PHACTR3: variants seen among roughly 807,000 people sequenced by gnomAD.
PHACTR3 encodes protein phosphatase 1, regulatory subunit 123.
A neutral mutation model predicts 66.8 loss-of-function variants in PHACTR3; 16 were observed. The observed-to-expected ratio is 0.24, with a 90% CI of 0.16 to 0.36. The LOEUF (loss-of-function observed/expected upper bound fraction) is 0.36, where lower values mean the gene tolerates loss of function less well. PHACTR3 is among the 10% of genes least tolerant of loss of function. The pLI is 1.00. For missense variants in PHACTR3, 647 were observed against 719.9 expected, an observed-to-expected ratio of 0.90 and a Z score of 1.16; for synonymous variants, 323 against 292.1, an observed-to-expected ratio of 1.11 and a Z score of -1.08.
At chr20:59,656,204 ATCT>A (rs2035614194) in intron 1 of PHACTR3, among the ~76,000 whole-genome samples, 2 of 151,692 alleles carry the variant, frequency 1.3e-5, no homozygotes, top group Admixed American at 1.3e-4. Context: ...TTTCTCCTTA[ATCT>A]TCTGCCCACT....
intron 4 of PHACTR3, among the ~76,000 whole-genome samples, chr20:59,758,014 G>A (rs1212942430): frequency 6.6e-6 from 1 of 152,176 alleles, no homozygotes; most frequent in Non-Finnish European, 1.5e-5. Flanking sequence ...AGAGAGAGAA[G>A]AGACCTGGCA....
chr20:59,815,703 G>A (rs576437908), intron 8 of PHACTR3, among the ~76,000 whole-genome samples: 29 of 152,162 alleles, frequency 1.9e-4, no homozygotes, highest in African/African-American at 5.3e-4. Context: ...GATTGCAGGC[G>A]TAAGCCACCA....
chr20:59,730,020 A>C (rs1465935867), intron 1 of PHACTR3, among the ~76,000 whole-genome samples: 6 of 152,140 alleles, frequency 3.9e-5, no homozygotes, highest in Admixed American at 3.9e-4. Context: ...GCACTTGAGC[A>C]CAGATGGACC....
chr20:59,840,514 A>C, intron 10 of PHACTR3, 84 bp downstream of exon 10: 1 of 1,576,170 alleles, frequency 6.3e-7, no homozygotes, highest in Non-Finnish European at 8.6e-7. Context: ...GGGTAATGCT[A>C]GGTATCACTC....
chr20:59,810,528 G>A (rs1217885009), intron 8 of PHACTR3, among the ~76,000 whole-genome samples: 1 of 152,248 alleles, frequency 6.6e-6, no homozygotes, highest in Non-Finnish European at 1.5e-5. Flanking sequence ...TCCTTTCAGA[G>A]ATTCCTCCAC....
chr20:59,778,184 G>A (rs551712757), intron 7 of PHACTR3, among the ~76,000 whole-genome samples: 1 of 152,264 alleles, frequency 6.6e-6, no homozygotes, highest in Non-Finnish European at 1.5e-5. Flanking sequence ...TGCCACCATT[G>A]CCCCATTTCT....
chr20:59,657,460 T>C (rs2035659563), intron 1 of PHACTR3, among the ~76,000 whole-genome samples: 1 of 152,126 alleles, frequency 6.6e-6, no homozygotes, highest in African/African-American at 2.4e-5. Context: ...CTCAAAACTT[T>C]CCTAGCTTTT....
rs371929032 is a variant in PHACTR3, at chr20:59,644,149, G to A, written c.118+39017G>A. 3.6e-4 allele frequency among the ~76,000 whole-genome samples: 55 copies of A among 152,294 alleles called. No homozygotes were observed. In the South Asian group the frequency reaches 0.01, roughly 29 times the overall value. On this transcript the variant is annotated intron_variant, in intron 1 of 12. Transcript: ENST00000371015. ...GGGGAGGAAAAGCCTCCATTATGAA[G>A]TCAAAGGCCATTGCGTGCCTGCAGT...
chr20:59,587,433 T>G (rs1274439530), intron 1 of PHACTR3, among the ~76,000 whole-genome samples: 1 of 152,128 alleles, frequency 6.6e-6, no homozygotes, highest in Non-Finnish European at 1.5e-5. Context: ...GTGGATGGAG[T>G]GTAATTCTGA....
At chr20:59,813,879 A>G (rs59937232) in intron 8 of PHACTR3, among the ~76,000 whole-genome samples, 16,307 of 152,204 alleles carry the variant, frequency 0.11, 1,094 homozygotes, top group East Asian at 0.27. Context: ...CTTCCTGACC[A>G]TCTCCCAGTG....
chr20:59,635,138 T>TC (rs765185191), intron 1 of PHACTR3, among the ~76,000 whole-genome samples: 17 of 72,336 alleles, frequency 2.4e-4, no homozygotes, highest in East Asian at 1.2e-3. Flanking sequence ...TTTCTTTCTT[T>TC]CTTTCTTTCT....
At position 59,722,058 on chromosome 20, in the gene PHACTR3, A is replaced by G. The variant is rs564644614; in HGVS notation, c.119-21049A>G. Among the ~76,000 whole-genome samples, 14 of 152,140 alleles carry G rather than the reference A, an allele frequency of 9.2e-5. No homozygotes were observed. The South Asian group carries it at 1.0e-3, about 11-fold the overall frequency. On this transcript the variant is annotated intron_variant, in intron 1 of 12. Coordinates refer to ENST00000371015, the MANE Select transcript of PHACTR3 (RefSeq NM_080672.5). ...ATCCTGGCTAACACAGTGAAACCCC[A>G]TATCTACTAAAAAATACAGAAAAAT...
intron 1 of PHACTR3, among the ~76,000 whole-genome samples, chr20:59,701,947 T>C (rs2037521924): frequency 6.6e-6 from 1 of 152,252 alleles, no homozygotes. Flanking sequence ...GTCATATAGA[T>C]TGAATCATGC....
At chr20:59,637,022 T>A (rs942902944) in intron 1 of PHACTR3, among the ~76,000 whole-genome samples, 6 of 152,226 alleles carry the variant, frequency 3.9e-5, no homozygotes, top group African/African-American at 1.4e-4. Context: ...CAGGAGAATT[T>A]TAGAATGATC....
At chr20:59,661,703 T>C (rs1469458643) in intron 1 of PHACTR3, among the ~76,000 whole-genome samples, 1 of 151,536 alleles carries the variant, frequency 6.6e-6, no homozygotes, top group Non-Finnish European at 1.5e-5. Flanking sequence ...ATACATGTGA[T>C]TTTCTGCATG....
At chr20:59,822,463 CATGTGGAAT>C (rs2042076309) in intron 8 of PHACTR3, among the ~76,000 whole-genome samples, 1 of 150,708 alleles carries the variant, frequency 6.6e-6, no homozygotes, top group Admixed American at 6.6e-5. Context: ...GTGTGTGGCA[CATGTGGAAT>C]ATGTGGCTAT....
intron 1 of PHACTR3, among the ~76,000 whole-genome samples, chr20:59,663,711 C>G (rs1568686773): frequency 6.6e-6 from 1 of 152,176 alleles, no homozygotes; most frequent in Admixed American, 6.5e-5. Flanking sequence ...CCTGGGCTGT[C>G]ACCTCAGTGC....
intron 1 of PHACTR3, among the ~76,000 whole-genome samples, chr20:59,742,528 G>C (rs958686917): frequency 6.6e-6 from 1 of 152,204 alleles, no homozygotes; most frequent in Non-Finnish European, 1.5e-5. Flanking sequence ...CTGGCTCTGC[G>C]TTGGGTTCCA....
At chr20:59,646,925 G>A (rs1305802049) in intron 1 of PHACTR3, among the ~76,000 whole-genome samples, 2 of 152,196 alleles carry the variant, frequency 1.3e-5, no homozygotes, top group South Asian at 4.1e-4. Context: ...AGCCCAAGGT[G>A]GGACCAGGCA....
Sources: gnomAD v4.1 joint callset for allele counts (sites outside exome capture counted in the v4.1 genomes callset) on GRCh38, gnomAD v4.1.1 for gene constraint, MANE v1.5 for transcripts, NCBI Gene and HGNC (gene_info 2026-07-23, HGNC 2026-07-21) for gene names.